Variants in MMAB observed in about 807,000 individuals in gnomAD.
MMAB encodes the protein corrinoid adenosyltransferase MMAB.
In MMAB, 17 loss-of-function variants were observed where a neutral mutation model predicts 30.6. The ratio of observed to expected loss-of-function variants is 0.56; its 90% CI spans 0.38 to 0.83. The LOEUF (loss-of-function observed/expected upper bound fraction) is 0.83, where lower values mean the gene tolerates loss of function less well. Ranked by LOEUF, MMAB falls within the 40% of genes least tolerant of loss-of-function variation. The pLI, the probability that MMAB is intolerant of heterozygous loss-of-function variation, is 0.00. For synonymous variants in MMAB, 134 were observed against 138.6 expected (o/e 0.97, Z 0.23); for missense variants, 311 against 331.6 (o/e 0.94, Z 0.48).
In MMAB at chr12:109,566,982, C is replaced by T. The variant is rs186307213; in HGVS notation, c.290+1788G>A. The T allele has an allele frequency of 1.1e-3, 488 of 456,072 alleles. 3 individuals are homozygous for T. The highest frequency in any genetic ancestry group is 8.9e-3 in the African/African-American group (446 of 50,144). 28.3% of individuals were successfully genotyped at this position (456,072 alleles called of 1,614,324 possible). A position where few individuals can be genotyped will look rare whatever the true frequency, so the allele number is the denominator to read the frequency against. ...CTACCCGGCTGGCTGACTATCTGTA[C>T]CTCCCATTATCTGTCCCGAAAATCT... On this transcript the variant is annotated intron_variant, in intron 3 of 8. Coordinates refer to ENST00000545712, the MANE Select transcript of MMAB (RefSeq NM_052845.4).
At chr12:109,572,963 G>C (rs1476944739) in intron 1 of MMAB, among the ~76,000 whole-genome samples, 4 of 152,172 alleles carry the variant, frequency 2.6e-5, no homozygotes, top group Non-Finnish European at 5.9e-5. Flanking sequence ...ATTAATCCAC[G>C]GTACTCTAGA....
intron 1 of MMAB, among the ~76,000 whole-genome samples, chr12:109,572,841 A>G (rs1390650099): frequency 1.3e-5 from 2 of 152,218 alleles, no homozygotes; most frequent in Admixed American, 6.5e-5. Flanking sequence ...AAAAAGTGGC[A>G]TTTTCAAAAA....
chr12:109,555,346 G>A lies in MMAB; in HGVS notation c.*1682C>T, dbSNP rs1345020158. The A allele has an allele frequency of 1.9e-5, 8 of 424,106 alleles. No homozygotes were observed. The highest frequency in any genetic ancestry group is 5.0e-5 in the South Asian group (3 of 59,820). The allele number at this position is 424,106 out of a possible 1,614,324, so 26.3% of individuals were successfully genotyped here. On this transcript the variant is annotated 3_prime_UTR_variant, in exon 9 of 9. Coordinates refer to ENST00000545712, the MANE Select transcript of MMAB (RefSeq NM_052845.4). ...CAGCCAGGCTGGAGTGTCGTGTCACGATCTTGGCTCACTGCAGCCTCTGCC... is the reference window on the plus strand; with the variant it reads ...CAGCCAGGCTGGAGTGTCGTGTCACAATCTTGGCTCACTGCAGCCTCTGCC...
chr12:109,561,677 A>ACC lies in MMAB; in HGVS notation c.421+101_421+102dup, dbSNP rs950008622. ...CAGGAGCTACGAGCAAGGCTAACTG[A>ACC]CCCACCCGTGGGTCCCTGGGGGCCT... On this transcript the variant is annotated intron_variant, in intron 5 of 8. Coordinates refer to ENST00000545712, the MANE Select transcript of MMAB (RefSeq NM_052845.4). This position sits in a 1 kb window ranked among gnomAD's most constrained non-coding sequence, Gnocchi z 5.3. The ACC allele has an allele frequency of 1.4e-5, 18 of 1,267,212 alleles. No homozygotes were observed. The African/African-American group carries it at 2.7e-4, about 19-fold the overall frequency. The allele number at this position is 1,267,212 out of a possible 1,614,324, so 78.5% of individuals were successfully genotyped here. A position where few individuals can be genotyped will look rare whatever the true frequency, so the allele number is the denominator to read the frequency against.
In MMAB at chr12:109,561,041, G is replaced by A. The variant is rs199853576; in HGVS notation, c.583C>T (p.Arg195Cys). Residue 195 changes from arginine (R) to cysteine (C), a missense_variant and splice_region_variant, in exon 7 of 9, where the codon CGT becomes TGT. Physicochemically the swap from Arg to Cys is radical, Grantham distance 180. Coordinates refer to ENST00000545712, the MANE Select transcript of MMAB (RefSeq NM_052845.4). The surrounding 1 kb of genome is among the most constrained non-coding windows in gnomAD (Gnocchi z 5.3). The part of the protein sequence containing the change: ...CRAVCRRAER[R>C]VVPLVQMGET... The stretch of plus-strand genomic sequence containing the variant: ...TCTCCCTCTCTCCAGCCCTCTTACC[G>A]TCTCTCGGCCCGGCGGCACACGGCC... The A allele has an allele frequency of 8.3e-5, 120 of 1,439,994 alleles. No individual in the cohort carries two copies. In the East Asian group the frequency reaches 1.3e-3, roughly 15 times the overall value. The allele number at this position is 1,439,994 out of a possible 1,614,324, so 89.2% of individuals were successfully genotyped here.
chr12:109,573,312 A>C (rs772383588), intron 1 of MMAB, 35 bp downstream of exon 1: 1 of 1,611,910 alleles, frequency 6.2e-7, no homozygotes, highest in South Asian at 1.1e-5. Context: ...GATTCACGGC[A>C]GGTGTTCGAG....
Position 109,560,922 on chromosome 12 carries a change from G to A in MMAB, c.584+118C>T, listed in dbSNP as rs1298032086. On this transcript the variant is annotated intron_variant, in intron 7 of 8. Coordinates refer to ENST00000545712, the MANE Select transcript of MMAB (RefSeq NM_052845.4). ...GCCCTGCTGTACCTGCCTCCTGCCCGCTGTGCAGAGGCCCCTCTCCCTCTC... is the reference window on the plus strand; with the variant it reads ...GCCCTGCTGTACCTGCCTCCTGCCCACTGTGCAGAGGCCCCTCTCCCTCTC... The A allele has an allele frequency of 2.5e-5, 25 of 1,004,234 alleles. No individual in the cohort carries two copies. In the South Asian group the frequency reaches 2.7e-4, roughly 11 times the overall value. The allele number at this position is 1,004,234 out of a possible 1,614,324, so 62.2% of individuals were successfully genotyped here.
intron 4 of MMAB, 54 bp downstream of exon 4, chr12:109,565,065 G>T: frequency 1.4e-6 from 2 of 1,411,018 alleles, no homozygotes; most frequent in South Asian, 1.2e-5. Flanking sequence ...GCTGAGTCCC[G>T]TGATGGCCAC....
At position 109,558,378 on chromosome 12, in the gene MMAB, G is replaced by T. The variant is rs1483891895; in HGVS notation, c.644+718C>A. Reference sequence around the variant, plus strand: ...TGCTCAGGACCCGTCAAAGCGCCATGTCTCTGGGAGGAGTGGCCACAGTCA... The same window carrying T: ...TGCTCAGGACCCGTCAAAGCGCCATTTCTCTGGGAGGAGTGGCCACAGTCA... On this transcript the variant is annotated intron_variant, in intron 8 of 8. Transcript: ENST00000545712. The surrounding 1 kb of genome is among the most constrained non-coding windows in gnomAD (Gnocchi z 4.3). 6.6e-6 allele frequency among the ~76,000 whole-genome samples: 1 copy of T among 152,162 alleles called. No homozygotes were observed. The highest frequency in any genetic ancestry group is 1.5e-5 in the Non-Finnish European group (1 of 68,024).
In MMAB at chr12:109,559,106, A is replaced by T; in HGVS notation, c.634T>A (p.Phe212Ile). The T allele has an allele frequency of 6.2e-7, 1 of 1,613,782 alleles. No homozygotes were observed. The highest frequency in any genetic ancestry group is 8.5e-7 in the Non-Finnish European group (1 of 1,179,814). ...MGETDANVAK[F>I]LNRLSDYLFT... ...GTTCCACGCGAGTACCTGTTTAAGA[A>T]CTTGGCCACGTTCGCATCGGTCTCT... The change falls in exon 8 of 9, where the codon TTC (phenylalanine) becomes ATC (isoleucine). Residue 212 changes from phenylalanine to isoleucine, a missense_variant. Physicochemically the swap from Phe to Ile is conservative, Grantham distance 21. Coordinates refer to ENST00000545712, the MANE Select transcript of MMAB (RefSeq NM_052845.4).
chr12:109,558,460 C>G lies in MMAB; in HGVS notation c.644+636G>C, dbSNP rs984260198. Among the ~76,000 whole-genome samples, 4 of 152,142 alleles carry G rather than the reference C, an allele frequency of 2.6e-5. No individual in the cohort carries two copies. The highest frequency in any genetic ancestry group is 9.7e-5 in the African/African-American group (4 of 41,450). The stretch of plus-strand genomic sequence containing the variant: ...ACAGCTCCTGGGGTGCAGACCTGCT[C>G]CCCCAGCTCTCTACCTGCCCCCAGG... On this transcript the variant is annotated intron_variant, in intron 8 of 8. Transcript: ENST00000545712. This position sits in a 1 kb window ranked among gnomAD's most constrained non-coding sequence, Gnocchi z 4.3.
In MMAB at chr12:109,556,558, G is replaced by A. The variant is rs1316630553; in HGVS notation, c.*470C>T. 6 of 453,504 alleles carry A rather than the reference G, an allele frequency of 1.3e-5. No individual in the cohort carries two copies. Among genetic ancestry groups the A allele is most frequent in the South Asian group, 7.8e-5 (5 of 64,432 alleles). The allele number at this position is 453,504 out of a possible 1,614,324, so 28.1% of individuals were successfully genotyped here. ...AAATGTGACATTTAAAGCACCTTTG[G>A]CACAGGTAAATCACAATTACATTTT... On this transcript the variant is annotated 3_prime_UTR_variant, in exon 9 of 9. Coordinates refer to ENST00000545712, the MANE Select transcript of MMAB (RefSeq NM_052845.4).
At chr12:109,563,661 A>T (rs1194464241) in intron 4 of MMAB, among the ~76,000 whole-genome samples, 1 of 152,240 alleles carries the variant, frequency 6.6e-6, no homozygotes, top group Non-Finnish European at 1.5e-5. Context: ...CGCGTACAGC[A>T]GACAGAAATG....
At chr12:109,571,953 C>A (rs1372902101) in intron 1 of MMAB, among the ~76,000 whole-genome samples, 1 of 152,182 alleles carries the variant, frequency 6.6e-6, no homozygotes, top group Non-Finnish European at 1.5e-5. Context: ...CCTTGCTCAA[C>A]AAAGATGCTC....
chr12:109,556,384 G>A lies in MMAB; in HGVS notation c.*644C>T, dbSNP rs1194601317. On this transcript the variant is annotated 3_prime_UTR_variant, in exon 9 of 9. Transcript: ENST00000545712. ...ATCCCTTTCAGAGGGGGTCCTCTAAGCTGCACCCCCATCACACACACTTCA... is the reference window on the plus strand; with the variant it reads ...ATCCCTTTCAGAGGGGGTCCTCTAAACTGCACCCCCATCACACACACTTCA... The A allele has an allele frequency of 2.0e-5, 9 of 453,932 alleles. No homozygotes were observed. In the Admixed American group the frequency reaches 2.1e-4, roughly 11 times the overall value. 28.1% of individuals were successfully genotyped at this position (453,932 alleles called of 1,614,324 possible). A position where few individuals can be genotyped will look rare whatever the true frequency, so the allele number is the denominator to read the frequency against.
At chr12:109,566,744 G>A (rs1884441739) in intron 3 of MMAB, among the ~76,000 whole-genome samples, 2 of 152,268 alleles carry the variant, frequency 1.3e-5, no homozygotes, top group South Asian at 4.1e-4. Flanking sequence ...TCGCACTGCA[G>A]ATGCTTGGTC....
Position 109,556,648 on chromosome 12 carries a change from T to TCTCTCTCTCACTCA in MMAB, c.*379_*380insTGAGTGAGAGAGAG, listed in dbSNP as rs1555273916. The TCTCTCTCTCACTCA allele has an allele frequency of 6.7e-6, 2 of 299,376 alleles. No individual in the cohort carries two copies. The highest frequency in any genetic ancestry group is 6.0e-5 in the African/African-American group (2 of 33,092). The allele number at this position is 299,376 out of a possible 1,614,324, so 18.5% of individuals were successfully genotyped here. On this transcript the variant is annotated 3_prime_UTR_variant, in exon 9 of 9. Coordinates refer to ENST00000545712, the MANE Select transcript of MMAB (RefSeq NM_052845.4). The stretch of plus-strand genomic sequence containing the variant: ...GAGCTGGCAGTGGGAGGGCTCTCTC[T>TCTCTCTCTCACTCA]CACACACACACACACACACACACAC...
intron 7 of MMAB, among the ~76,000 whole-genome samples, chr12:109,559,376 G>A (rs767316924): frequency 2.8e-4 from 43 of 152,338 alleles, no homozygotes; most frequent in Middle Eastern, 3.4e-3. Flanking sequence ...GCCAAGGAGG[G>A]ATCAAGGATG....
chr12:109,568,917 C>CT, intron 2 of MMAB, 54 bp from the exon 3 acceptor site: 2 of 1,261,232 alleles, frequency 1.6e-6, no homozygotes, highest in Non-Finnish European at 1.2e-6. Context: ...TCCTGATATG[C>CT]TGTTTTTTTT....
Sources: gnomAD v4.1 joint callset for allele counts (sites outside exome capture counted in the v4.1 genomes callset) on GRCh38, gnomAD v4.1.1 for gene constraint, Gnocchi (gnomAD v3.1) non-coding constraint, MANE v1.5 for transcripts, NCBI Gene and HGNC (gene_info 2026-07-23, HGNC 2026-07-21) for gene names.